Variants in EFCAB13 observed in about 807,000 individuals in gnomAD.
The protein encoded by EFCAB13 is EF-hand calcium-binding domain-containing protein 13.
EFCAB13 carries 91 observed loss-of-function variants against 110.2 expected under a neutral mutation model. That is an observed-to-expected ratio of 0.83 (90% CI 0.70 to 0.98). The LOEUF is 0.98. Ranked by LOEUF, EFCAB13 falls within the 50% of genes least tolerant of loss-of-function variation. The pLI is 0.00. For synonymous variants in EFCAB13, 323 were observed against 369.9 expected, an observed-to-expected ratio of 0.87 and a Z score of 1.45; for missense variants, 968 against 1,119.4, an observed-to-expected ratio of 0.86 and a Z score of 1.93.
chr17:47,338,681 A>C, intron 5 of EFCAB13, among the ~76,000 whole-genome samples: 1 of 152,130 alleles, frequency 6.6e-6, no homozygotes, highest in Non-Finnish European at 1.5e-5. Context: ...TTGTACCTCA[A>C]TAGAAAATTT....
rs1208225099 is a variant in EFCAB13, at chr17:47,431,520, A to AT, written c.2638+1565dup. On this transcript the variant is annotated intron_variant, in intron 24 of 24. Coordinates refer to ENST00000331493, the MANE Select transcript of EFCAB13 (RefSeq NM_152347.5). The surrounding 1 kb of genome is among the most constrained non-coding windows in gnomAD (Gnocchi z 4.1). ...CAAAATTTTTCTGATTTCTGTTGTC[A>AT]TTTTTTCTTCAACTCATGGTTTTAG... Among the ~76,000 whole-genome samples, 11 of 151,332 alleles carry AT rather than the reference A, an allele frequency of 7.3e-5. No individual in the cohort carries two copies. The highest frequency in any genetic ancestry group is 3.0e-5 in the Non-Finnish European group (2 of 67,790).
chr17:47,436,402 T>C (rs894873174), intron 24 of EFCAB13, among the ~76,000 whole-genome samples: 1 of 152,202 alleles, frequency 6.6e-6, no homozygotes, highest in Admixed American at 6.5e-5. Context: ...CATCTGGTCC[T>C]GGACTTTTTT....
chr17:47,415,049 A>G, intron 23 of EFCAB13, 130 bp downstream of exon 23: 2 of 580,222 alleles, frequency 3.4e-6, no homozygotes, highest in Non-Finnish European at 3.0e-6. Context: ...ATGGAATACT[A>G]TGCAGCCATA....
At chr17:47,358,516 GGTT>G (rs1036060806) in intron 9 of EFCAB13, among the ~76,000 whole-genome samples, 2 of 151,674 alleles carry the variant, frequency 1.3e-5, no homozygotes, top group African/African-American at 2.4e-5. Context: ...TAAAAAACTG[GGTT>G]GTTCATCTCA....
chr17:47,418,434 C>A (rs1904523029), intron 23 of EFCAB13, among the ~76,000 whole-genome samples: 1 of 152,162 alleles, frequency 6.6e-6, no homozygotes, highest in South Asian at 2.1e-4. Flanking sequence ...ATTTTAAAAT[C>A]AGGCTTTTTA....
intron 23 of EFCAB13, among the ~76,000 whole-genome samples, chr17:47,423,056 T>C (rs1904774851): frequency 6.6e-6 from 1 of 152,222 alleles, no homozygotes; most frequent in Non-Finnish European, 1.5e-5. Context: ...AATGATGTTA[T>C]TTCAACTGAA....
chr17:47,396,072 G>A, intron 17 of EFCAB13, 95 bp downstream of exon 17: 2 of 1,115,770 alleles, frequency 1.8e-6, no homozygotes, highest in South Asian at 4.7e-5. Context: ...TGGCGAGACG[G>A]AGTGTTCGAA....
At chr17:47,364,266 T>G (rs941479582) in intron 10 of EFCAB13, among the ~76,000 whole-genome samples, 2 of 152,200 alleles carry the variant, frequency 1.3e-5, no homozygotes, top group Non-Finnish European at 1.5e-5. Context: ...ATACATCTTT[T>G]TAAAAACTTT....
intron 9 of EFCAB13, among the ~76,000 whole-genome samples, chr17:47,356,344 A>G (rs909539041): frequency 6.6e-5 from 10 of 152,110 alleles, no homozygotes; most frequent in African/African-American, 2.4e-4. Flanking sequence ...AAGCTCTGGG[A>G]CTCAAGGGCT....
chr17:47,410,748 C>T (rs772114810), intron 21 of EFCAB13, among the ~76,000 whole-genome samples: 1 of 152,122 alleles, frequency 6.6e-6, no homozygotes, highest in Non-Finnish European at 1.5e-5. Context: ...GATAATTGGT[C>T]CCAAGTAAGT....
intron 9 of EFCAB13, among the ~76,000 whole-genome samples, chr17:47,351,309 G>A (rs979212415): frequency 1.8e-5 from 2 of 109,552 alleles, no homozygotes; most frequent in Admixed American, 1.0e-4. Context: ...GTGTGTGCGC[G>A]CGCGCGCGCG....
chr17:47,336,707 G>A (rs964617050), intron 5 of EFCAB13, among the ~76,000 whole-genome samples: 32 of 151,438 alleles, frequency 2.1e-4, no homozygotes, highest in African/African-American at 7.3e-4. Context: ...CCAAAGTGCT[G>A]GGATTACAAG....
At chr17:47,361,550 T>C in intron 10 of EFCAB13, 29 bp downstream of exon 10, 1 of 1,552,270 alleles carries the variant, frequency 6.4e-7, no homozygotes, top group Non-Finnish European at 8.9e-7. Flanking sequence ...GATATATATG[T>C]CCATATATAT....
At chr17:47,420,268 G>C (rs1221351057) in intron 23 of EFCAB13, among the ~76,000 whole-genome samples, 1 of 152,218 alleles carries the variant, frequency 6.6e-6, no homozygotes, top group South Asian at 2.1e-4. Flanking sequence ...GCCCAGGCTG[G>C]AGTGCAGTGG....
chr17:47,355,813 C>G (rs913117989), intron 9 of EFCAB13, among the ~76,000 whole-genome samples: 1 of 151,932 alleles, frequency 6.6e-6, no homozygotes, highest in African/African-American at 2.4e-5. Context: ...CCTCATGATC[C>G]GCCTGCCTTG....
At chr17:47,394,271 C>G (rs548148653) in intron 16 of EFCAB13, among the ~76,000 whole-genome samples, 172 bp downstream of exon 16, 1 of 152,264 alleles carries the variant, frequency 6.6e-6, no homozygotes, top group African/African-American at 2.4e-5. Flanking sequence ...CCTCTAATGA[C>G]CCCTAATTCT....
chr17:47,437,720 T>A (rs1043284419), intron 24 of EFCAB13, among the ~76,000 whole-genome samples: 1 of 152,222 alleles, frequency 6.6e-6, no homozygotes, highest in Non-Finnish European at 1.5e-5. Context: ...ATTCTGCAGT[T>A]CTGTATCTTT....
intron 24 of EFCAB13, among the ~76,000 whole-genome samples, chr17:47,438,838 G>C (rs534316145): frequency 2.0e-4 from 31 of 152,178 alleles, no homozygotes; most frequent in African/African-American, 7.2e-4. Flanking sequence ...TGGTGAACTA[G>C]TGCGATTTTC....
intron 19 of EFCAB13, 51 bp downstream of exon 19, chr17:47,404,072 A>AG (rs772525933): frequency 1.4e-6 from 2 of 1,413,666 alleles, no homozygotes; most frequent in East Asian, 4.6e-5. Context: ...GGAGTAAAGA[A>AG]GATGTGCAAG....
Sources: allele counts gnomAD v4.1 joint callset (sites outside exome capture counted in the v4.1 genomes callset), GRCh38; gene constraint gnomAD v4.1.1; non-coding constraint Gnocchi (gnomAD v3.1); transcripts MANE v1.5; gene names NCBI Gene and HGNC (gene_info 2026-07-23, HGNC 2026-07-21).